Variants in NAV2 observed in about 807,000 individuals in gnomAD.
NAV2 encodes helicase, APC down-regulated 1.
NAV2 carries 54 observed loss-of-function variants against 223.2 expected under a neutral mutation model. The observed-to-expected ratio is 0.24, with a 90% CI of 0.19 to 0.30. The LOEUF (loss-of-function observed/expected upper bound fraction) is 0.30, where lower values mean the gene tolerates loss of function less well. Among genes scored for constraint, NAV2 ranks in the 10% least tolerant of loss-of-function variants. NAV2 has a pLI of 1.00. For missense variants in NAV2, 2,806 were observed against 3,147.5 expected (o/e 0.89, Z 2.60); for synonymous variants, 1,279 against 1,239.3 (o/e 1.03, Z -0.67).
At chr11:20,059,365 G>A (rs1417544798) in intron 19 of NAV2, among the ~76,000 whole-genome samples, 3 of 152,210 alleles carry the variant, frequency 2.0e-5, no homozygotes, top group African/African-American at 7.2e-5. Flanking sequence ...GGAAACTCCT[G>A]CCTAGTCTGG....
At chr11:19,807,366 CA>C (rs1434094990) in intron 1 of NAV2, among the ~76,000 whole-genome samples, 13 of 152,250 alleles carry the variant, frequency 8.5e-5, no homozygotes, top group Non-Finnish European at 1.9e-4. Context: ...ACACAGAAGA[CA>C]AAGATGCTTA....
At chr11:19,980,758 A>G in intron 10 of NAV2, among the ~76,000 whole-genome samples, 1 of 152,190 alleles carries the variant, frequency 6.6e-6, no homozygotes, top group East Asian at 1.9e-4. Context: ...TATATTTTTC[A>G]TTGACTGTAT....
chr11:19,590,052 C>G (rs1646659849), intron 1 of NAV2, among the ~76,000 whole-genome samples: 1 of 152,132 alleles, frequency 6.6e-6, no homozygotes, highest in Admixed American at 6.5e-5. Flanking sequence ...GGGTCCCAGG[C>G]TAGGCTTCCT....
chr11:19,932,481 G>T (rs551295209), intron 6 of NAV2, among the ~76,000 whole-genome samples: 1 of 152,204 alleles, frequency 6.6e-6, no homozygotes, highest in South Asian at 2.1e-4. Context: ...ACCACACCCA[G>T]CTAATTTTTG....
intron 1 of NAV2, among the ~76,000 whole-genome samples, chr11:19,405,293 A>T (rs915932218): frequency 1.3e-5 from 2 of 152,116 alleles, no homozygotes; most frequent in African/African-American, 4.8e-5. Context: ...AGGGAAGCAG[A>T]TGTTTGGGAG....
At chr11:19,368,051 G>T (rs1374348833) in intron 1 of NAV2, among the ~76,000 whole-genome samples, 2 of 152,200 alleles carry the variant, frequency 1.3e-5, no homozygotes, top group East Asian at 3.8e-4. Context: ...CAGATTTGGG[G>T]ATCAGAAGGG....
rs149678209 is a variant in NAV2, at chr11:19,544,228, A to C, written c.75+193201A>C. ...AACCGAGTGATTGAAGGAGAATGAG[A>C]ACGAGATGGACTTTGGTCCTAGACT... On this transcript the variant is annotated intron_variant, in intron 1 of 37. Transcript: ENST00000360655. Among the ~76,000 whole-genome samples the C allele has an allele frequency of 3.9e-5, 6 of 152,332 alleles. No individual in the cohort carries two copies. The East Asian group carries it at 9.6e-4, about 24-fold the overall frequency.
rs139902326 is a variant in NAV2, at chr11:19,868,983, G to A, written c.497G>A (p.Gly166Glu). Residue 166 changes from glycine to glutamate, a missense_variant, in exon 4 of 38, where the codon GGG becomes GAG. This residue lies in a region of NAV2 where 1,167 missense variants were observed against 1,180.5 expected (regional missense o/e 0.99). Coordinates refer to ENST00000349880, the MANE Select transcript of NAV2 (RefSeq NM_145117.5). ...GCAGCTAAGGGAATAAACATCCAGG[G>A]GCTGTCTGCAGAAGGTGAGTCAGAG... ...FLAAKGINIQ[G>E]LSAEEIRNGN... 4.3e-4 allele frequency: 691 copies of A among 1,613,826 alleles called. No homozygotes were observed. The highest frequency in any genetic ancestry group is 5.6e-4 in the Non-Finnish European group (660 of 1,179,922).
At chr11:19,698,216 C>T (rs1351448333) in intron 1 of NAV2, among the ~76,000 whole-genome samples, 2 of 152,188 alleles carry the variant, frequency 1.3e-5, no homozygotes, top group African/African-American at 2.4e-5. Context: ...GCCCCTTGAC[C>T]TCTAGGAAGC....
intron 1 of NAV2, among the ~76,000 whole-genome samples, chr11:19,485,794 A>T (rs1482532606): frequency 6.6e-6 from 1 of 152,052 alleles, no homozygotes; most frequent in African/African-American, 2.4e-5. Flanking sequence ...GATGGATCCG[A>T]GTTACAGGGT....
intron 1 of NAV2, among the ~76,000 whole-genome samples, chr11:19,586,037 G>C (rs57981754): frequency 0.018 from 2,792 of 152,260 alleles, 105 homozygotes; most frequent in African/African-American, 0.062. Context: ...TAGATTTGGT[G>C]TTTTCACATA....
intron 14 of NAV2, 27 bp from the exon 15 acceptor site, chr11:20,048,701 C>T (rs370716180): frequency 1.9e-6 from 3 of 1,600,528 alleles, no homozygotes; most frequent in Middle Eastern, 1.7e-4. Flanking sequence ...GGGTGTTCAA[C>T]CTACACAACC....
intron 30 of NAV2, among the ~76,000 whole-genome samples, chr11:20,096,814 A>G (rs2061305668): frequency 6.6e-6 from 1 of 152,228 alleles, no homozygotes; most frequent in African/African-American, 2.4e-5. Flanking sequence ...GAGAAGACAT[A>G]TGAATGGCTT....
At chr11:19,769,251 G>A (rs55675526) in intron 1 of NAV2, among the ~76,000 whole-genome samples, 16,709 of 152,242 alleles carry the variant, frequency 0.11, 1,001 homozygotes, top group Non-Finnish European at 0.13. Flanking sequence ...GAGGACCTCC[G>A]TACTGGTTCT....
At chr11:19,949,561 G>C (rs930050221) in intron 10 of NAV2, among the ~76,000 whole-genome samples, 11 of 152,174 alleles carry the variant, frequency 7.2e-5, no homozygotes, top group African/African-American at 2.7e-4. Context: ...TCTTTGCATG[G>C]TAGGTCCTTC....
At chr11:19,968,312 C>T (rs568882576) in intron 10 of NAV2, among the ~76,000 whole-genome samples, 3 of 152,250 alleles carry the variant, frequency 2.0e-5, no homozygotes, top group East Asian at 1.9e-4. Flanking sequence ...CTGGATTCTC[C>T]GCTTCCTGAT....
At chr11:20,063,403 C>T (rs939265655) in intron 20 of NAV2, among the ~76,000 whole-genome samples, 3 of 152,154 alleles carry the variant, frequency 2.0e-5, no homozygotes, top group Admixed American at 1.3e-4. Context: ...GACAGACTCT[C>T]GCTCTGTCGC....
Position 20,068,402 on chromosome 11 carries a change from A to T in NAV2, c.4983+4A>T. On this transcript the variant is annotated splice_donor_region_variant and intron_variant, in intron 22 of 37. Coordinates refer to ENST00000349880, the MANE Select transcript of NAV2 (RefSeq NM_145117.5). ...GACCACCCAGCTGACAGCAAATGTA[A>T]GTACAGACATAGGGCAGTAGCATCG... 6.2e-7 allele frequency: 1 copy of T among 1,611,616 alleles called. No individual in the cohort carries two copies. The highest frequency in any genetic ancestry group is 8.5e-7 in the Non-Finnish European group (1 of 1,177,752).
chr11:19,939,081 G>A (rs2046180646), intron 7 of NAV2, among the ~76,000 whole-genome samples: 1 of 152,182 alleles, frequency 6.6e-6, no homozygotes, highest in Admixed American at 6.5e-5. Context: ...GGGAAGTACA[G>A]ATTTCAGTCA....
Sources: allele counts gnomAD v4.1 joint callset (sites outside exome capture counted in the v4.1 genomes callset), GRCh38; gene constraint gnomAD v4.1.1; regional missense constraint gnomAD v4.1.1; transcripts MANE v1.5; gene names NCBI Gene and HGNC (gene_info 2026-07-23, HGNC 2026-07-21).